RYR2: variants seen among roughly 807,000 people sequenced by gnomAD.
RYR2 encodes the protein ryanodine receptor 2, also known as cardiac muscle ryanodine receptor-calcium release channel.
In RYR2, 227 loss-of-function variants were observed where a neutral mutation model predicts 601.1. The ratio of observed to expected loss-of-function variants is 0.38; its 90% confidence interval spans 0.34 to 0.42. RYR2 has a LOEUF of 0.42. Among genes scored for constraint, RYR2 ranks in the 10% least tolerant of loss-of-function variants. The pLI, the probability that RYR2 is intolerant of heterozygous loss-of-function variation, is 1.00. For synonymous variants in RYR2, 2,223 were observed against 2,175.1 expected (o/e 1.02, Z -0.61); for missense variants, 4,646 against 6,156.5 (o/e 0.75, Z 8.21).
chr1:237,703,312 T>G (rs890172342), intron 66 of RYR2, among the ~76,000 whole-genome samples: 2 of 151,824 alleles, frequency 1.3e-5, no homozygotes, highest in African/African-American at 4.8e-5. Context: ...CTTGTGTATG[T>G]GATAGTGAAA....
At chr1:237,625,492 C>A (rs2148656814) in intron 39 of RYR2, among the ~76,000 whole-genome samples, 169 bp from the exon 40 acceptor site, 1 of 152,238 alleles carries the variant, frequency 6.6e-6, no homozygotes, top group South Asian at 2.1e-4. Context: ...AAGAGGCTGA[C>A]CAGTGAATGT....
At chr1:237,786,208 G>C (rs1351895975) in intron 91 of RYR2, among the ~76,000 whole-genome samples, 172 bp downstream of exon 91, 1 of 152,154 alleles carries the variant, frequency 6.6e-6, no homozygotes, top group Admixed American at 6.5e-5. Flanking sequence ...TCAGGCCATG[G>C]GCAGGGATCA....
chr1:237,244,144 G>A (rs562414663), intron 1 of RYR2, among the ~76,000 whole-genome samples: 84 of 152,182 alleles, frequency 5.5e-4, no homozygotes, highest in African/African-American at 1.8e-3. Flanking sequence ...TCACCAACAG[G>A]GCCAGTGTCC....
chr1:237,219,358 G>C (rs567590299), intron 1 of RYR2, among the ~76,000 whole-genome samples: 74 of 152,214 alleles, frequency 4.9e-4, no homozygotes, highest in African/African-American at 1.8e-3. Context: ...ATCATAGGAC[G>C]GCTGCAGGAC....
At chr1:237,483,963 C>A (rs1053534845) in intron 17 of RYR2, among the ~76,000 whole-genome samples, 4 of 152,212 alleles carry the variant, frequency 2.6e-5, no homozygotes, top group Admixed American at 6.5e-5. Context: ...ATTGTGACTT[C>A]TTTCGCTGAT....
Position 237,560,500 on chromosome 1 carries a change from G to A in RYR2, c.3215-6067G>A, listed in dbSNP as rs140380342. ...GTTCTGCCCACTACAAGGGCTTATG[G>A]GTGGCTGATTTTCACTATGATTGAG... is the stretch of plus-strand genomic sequence containing the variant. On this transcript the variant is annotated intron_variant, in intron 27 of 104. Coordinates refer to ENST00000366574, the MANE Select transcript of RYR2 (RefSeq NM_001035.3). Among the ~76,000 whole-genome samples, 638 of 152,332 alleles carry A rather than the reference G, an allele frequency of 4.2e-3. 4 individuals are homozygous for A. The highest frequency in any genetic ancestry group is 0.014 in the African/African-American group (595 of 41,584).
chr1:237,315,021 T>A (rs1033101331), intron 2 of RYR2, among the ~76,000 whole-genome samples: 2 of 152,176 alleles, frequency 1.3e-5, no homozygotes, highest in Non-Finnish European at 2.9e-5. Context: ...TTATGGTATT[T>A]GCCAAAAAAA....
chr1:237,572,868 C>A (rs1469690922), intron 29 of RYR2, among the ~76,000 whole-genome samples: 1 of 152,092 alleles, frequency 6.6e-6, no homozygotes, highest in Non-Finnish European at 1.5e-5. Flanking sequence ...CCTCCTCTCC[C>A]AAATTGACTT....
intron 1 of RYR2, among the ~76,000 whole-genome samples, chr1:237,135,577 C>T (rs1207769020): frequency 6.6e-6 from 1 of 150,542 alleles, no homozygotes; most frequent in Non-Finnish European, 1.5e-5. Context: ...GGGTTTTCAC[C>T]TCCTTAACCA....
At chr1:237,169,241 T>C (rs1210423132) in intron 1 of RYR2, among the ~76,000 whole-genome samples, 1 of 152,234 alleles carries the variant, frequency 6.6e-6, no homozygotes, top group Non-Finnish European at 1.5e-5. Context: ...GAGATCATTC[T>C]GAATTTGTCT....
chr1:237,289,061 A>G (rs576657247), intron 2 of RYR2, among the ~76,000 whole-genome samples: 9 of 152,132 alleles, frequency 5.9e-5, no homozygotes, highest in African/African-American at 1.4e-4. Context: ...TTTTCACGCA[A>G]ACAGACCTTC....
intron 63 of RYR2, among the ~76,000 whole-genome samples, chr1:237,691,813 G>A (rs1323378233): frequency 6.6e-6 from 1 of 152,192 alleles, no homozygotes; most frequent in East Asian, 1.9e-4. Context: ...GTGATTATAA[G>A]TTGGTGCACA....
chr1:237,157,500 G>T (rs1418053345), intron 1 of RYR2, among the ~76,000 whole-genome samples: 1 of 152,116 alleles, frequency 6.6e-6, no homozygotes, highest in South Asian at 2.1e-4. Context: ...TCCATCAATG[G>T]ATAAATGGAT....
chr1:237,107,678 T>C (rs6703352), intron 1 of RYR2, among the ~76,000 whole-genome samples: 100,207 of 151,984 alleles, frequency 0.66, 35,278 homozygotes, highest in Admixed American at 0.8. Context: ...CCGTGGAAGA[T>C]GCCTCTGAGT....
In RYR2 at chr1:237,256,867, C is replaced by T. The variant is rs759887851; in HGVS notation, c.49-13630C>T. Among the ~76,000 whole-genome samples, 35 of 152,276 alleles carry T rather than the reference C, an allele frequency of 2.3e-4. 1 individual carries two copies. Among genetic ancestry groups the T allele is most frequent in the Non-Finnish European group, 3.4e-4 (23 of 68,016 alleles). Reference sequence around the variant, plus strand: ...TTTACCAAAAATTTGAGTGACTTTACTTGAGGCTGCCCTTCCTTAGTCTAA... The same window carrying T: ...TTTACCAAAAATTTGAGTGACTTTATTTGAGGCTGCCCTTCCTTAGTCTAA... On this transcript the variant is annotated intron_variant, in intron 1 of 104. Transcript: ENST00000366574.
At position 237,205,890 on chromosome 1, in the gene RYR2, G is replaced by A. The variant is rs553551432; in HGVS notation, c.49-64607G>A. On this transcript the variant is annotated intron_variant, in intron 1 of 104. Coordinates refer to ENST00000366574, the MANE Select transcript of RYR2 (RefSeq NM_001035.3). ...TGTCTGGACCTGGACCGGAGGCTTG[G>A]CAAGATGCAGGACAACTGGAAGCCG... Among the ~76,000 whole-genome samples the A allele has an allele frequency of 2.0e-5, 3 of 152,280 alleles. No homozygotes were observed. The East Asian group carries it at 5.8e-4, about 30-fold the overall frequency.
At position 237,602,127 on chromosome 1, in the gene RYR2, C is replaced by T; in HGVS notation, c.4683+16C>T. On this transcript the variant is annotated intron_variant, in intron 35 of 104. Transcript: ENST00000366574. ...AAGAATAAAGGTAATAAAACTTATTCCTGGTATTGTATTTGTATTTTTTCT... is the reference window on the plus strand; with the variant it reads ...AAGAATAAAGGTAATAAAACTTATTTCTGGTATTGTATTTGTATTTTTTCT... 6.3e-7 allele frequency: 1 copy of T among 1,586,168 alleles called. No homozygotes were observed.
chr1:237,416,230 G>T (rs886367908), intron 10 of RYR2, among the ~76,000 whole-genome samples: 3 of 152,098 alleles, frequency 2.0e-5, no homozygotes, highest in Non-Finnish European at 2.9e-5. Flanking sequence ...GAGTAGACAT[G>T]GTATTACTGC....
At chr1:237,439,831 C>CAA (rs11348643) in intron 12 of RYR2, among the ~76,000 whole-genome samples, 14 of 148,320 alleles carry the variant, frequency 9.4e-5, no homozygotes, top group Non-Finnish European at 1.9e-4. Context: ...AAGAAAAGAC[C>CAA]AAAAAAAAAA....
Sources: gnomAD v4.1 joint callset for allele counts (sites outside exome capture counted in the v4.1 genomes callset) on GRCh38, gnomAD v4.1.1 for gene constraint, MANE v1.5 for transcripts, NCBI Gene and HGNC (gene_info 2026-07-23, HGNC 2026-07-21) for gene names.